FBLN1: variants seen among roughly 807,000 people sequenced by gnomAD.
FBLN1 encodes the protein fibulin-1.
FBLN1 carries 34 observed loss-of-function variants against 89.7 expected under a neutral mutation model. That is an observed-to-expected ratio of 0.38 (90% CI 0.29 to 0.50). The LOEUF is 0.50. Ranked by LOEUF, FBLN1 falls within the 20% of genes least tolerant of loss-of-function variation. FBLN1 has a pLI of 0.92. For synonymous variants in FBLN1, 393 were observed against 391.3 expected, an observed-to-expected ratio of 1.00 and a Z score of -0.05; for missense variants, 777 against 988.1, an observed-to-expected ratio of 0.79 and a Z score of 2.86.
At chr22:45,589,079 ATATTTTT>A (rs987868605) in intron 16 of FBLN1, among the ~76,000 whole-genome samples, 24 of 49,286 alleles carry the variant, frequency 4.9e-4, no homozygotes, top group Non-Finnish European at 1.1e-3. Context: ...ATATATAAAA[ATATTTTT>A]TATATATATA....
intron 1 of FBLN1, among the ~76,000 whole-genome samples, chr22:45,514,199 C>T (rs1021266898): frequency 1.1e-4 from 17 of 152,276 alleles, no homozygotes; most frequent in South Asian, 8.3e-4. Context: ...CTTCAGGGAA[C>T]CTGTTCCTGC....
At chr22:45,513,362 T>A (rs985986565) in intron 1 of FBLN1, among the ~76,000 whole-genome samples, 3 of 151,172 alleles carry the variant, frequency 2.0e-5, no homozygotes, top group Non-Finnish European at 4.4e-5. Context: ...TGGAATGCAG[T>A]GGCATAATCC....
chr22:45,564,386 T>A (rs1349703386), intron 14 of FBLN1, among the ~76,000 whole-genome samples: 1 of 152,258 alleles, frequency 6.6e-6, no homozygotes, highest in African/African-American at 2.4e-5. Context: ...CCTCAAGATG[T>A]CTGAAGGCCG....
At chr22:45,518,024 CAG>C (rs1352555045) in intron 1 of FBLN1, among the ~76,000 whole-genome samples, 3 of 148,838 alleles carry the variant, frequency 2.0e-5, no homozygotes, top group Non-Finnish European at 4.4e-5. Context: ...CCCAGCTACT[CAG>C]GAGGCTGAGG....
chr22:45,562,693 C>A lies in FBLN1; in HGVS notation c.1698-11818C>A, dbSNP rs532775237. Among the ~76,000 whole-genome samples, 1 of 152,206 alleles carries A rather than the reference C, an allele frequency of 6.6e-6. No individual in the cohort carries two copies. Among genetic ancestry groups the A allele is most frequent in the African/African-American group, 2.4e-5 (1 of 41,460 alleles). ...CTTTGGCCCCCGGCCACCCAGCGCC[C>A]GAGATGGTGTTGGAAGAGGCTAGTG... On this transcript the variant is annotated intron_variant, in intron 14 of 16. Coordinates refer to ENST00000327858, the MANE Select transcript of FBLN1 (RefSeq NM_006486.3). This position sits in a 1 kb window ranked among gnomAD's most constrained non-coding sequence, Gnocchi z 7.8.
At chr22:45,543,218 A>G (rs1298447596) in intron 10 of FBLN1, among the ~76,000 whole-genome samples, 183 bp from the exon 11 acceptor site, 1 of 152,146 alleles carries the variant, frequency 6.6e-6, no homozygotes, top group Non-Finnish European at 1.5e-5. Flanking sequence ...GTGAGCTGAG[A>G]TCATGCCACT....
rs953539278 is a variant in FBLN1, at chr22:45,562,223, G to A, written c.1697+11608G>A. On this transcript the variant is annotated intron_variant, in intron 14 of 16. Coordinates refer to ENST00000327858, the MANE Select transcript of FBLN1 (RefSeq NM_006486.3). The surrounding 1 kb of genome is among the most constrained non-coding windows in gnomAD (Gnocchi z 7.8). ...TTCTATCACAGGAAGTTGGGATCTGGCCCTGTGGACCCAGATGGGTTACTG... is the reference window on the plus strand; with the variant it reads ...TTCTATCACAGGAAGTTGGGATCTGACCCTGTGGACCCAGATGGGTTACTG... Among the ~76,000 whole-genome samples the A allele has an allele frequency of 3.3e-5, 5 of 152,326 alleles. No individual in the cohort carries two copies. Among genetic ancestry groups the A allele is most frequent in the African/African-American group, 1.2e-4 (5 of 41,580 alleles).
At chr22:45,570,319 C>CAAAAAAAAAAAAAAAAAAAA (rs761469854) in intron 14 of FBLN1, among the ~76,000 whole-genome samples, 6 of 36,420 alleles carry the variant, frequency 1.6e-4, no homozygotes, top group Admixed American at 3.6e-4. Context: ...GACTCTGTCT[C>CAAAAAAAAAAAAAAAAAAAA]AAAAAAAAAA....
Position 45,531,313 on chromosome 22 carries a change from A to AC in FBLN1, c.535dup (p.Arg179ProfsTer17). 1.2e-6 allele frequency: 2 copies of AC among 1,613,910 alleles called. No homozygotes were observed. Among genetic ancestry groups the AC allele is most frequent in the Non-Finnish European group, 1.7e-6 (2 of 1,179,848 alleles). On this transcript the variant is annotated frameshift_variant, in exon 5 of 17. Transcript: ENST00000327858. LOFTEE classifies it high-confidence loss of function. The surrounding 1 kb of genome is among the most constrained non-coding windows in gnomAD (Gnocchi z 4.9). The stretch of plus-strand genomic sequence containing the variant: ...GAACAAGAGGACCCATATCTGAATG[A>AC]CCGCTGCCGAGGTGAGACTCGGGCG...
chr22:45,589,515 A>T (rs929190259), intron 16 of FBLN1, among the ~76,000 whole-genome samples: 2 of 152,218 alleles, frequency 1.3e-5, no homozygotes, highest in African/African-American at 4.8e-5. Flanking sequence ...GACATTGAGG[A>T]CGTGGCCTTG....
rs574794032 is a variant in FBLN1, at chr22:45,509,372, C to T, written c.79+6308C>T. ...CTCCTTCTCTCTTGCTGCCTCCTCC[C>T]GGCTGGTTCACCATCCAAGACCCCT... On this transcript the variant is annotated intron_variant, in intron 1 of 16. Transcript: ENST00000327858. 1.4e-3 allele frequency among the ~76,000 whole-genome samples: 219 copies of T among 152,296 alleles called. 1 individual carries two copies. The highest frequency in any genetic ancestry group is 6.8e-3 in the Middle Eastern group (2 of 294).
chr22:45,517,532 T>A, intron 1 of FBLN1: 3 of 470,404 alleles, frequency 6.4e-6, no homozygotes, highest in South Asian at 4.6e-5. Flanking sequence ...GCTCTGAGGG[T>A]GTGGGCCGGC....
Position 45,561,871 on chromosome 22 carries a change from C to G in FBLN1, c.1697+11256C>G, listed in dbSNP as rs1164692295. On this transcript the variant is annotated intron_variant, in intron 14 of 16. Transcript: ENST00000327858. This position sits in a 1 kb window ranked among gnomAD's most constrained non-coding sequence, Gnocchi z 4.7. ...GAGTCCGATGTTCAAGGGCAGGAAG[C>G]ATCCAGCACAGGAGAAAGATGTAGG... Among the ~76,000 whole-genome samples, 2 of 152,188 alleles carry G rather than the reference C, an allele frequency of 1.3e-5. No homozygotes were observed. The highest frequency in any genetic ancestry group is 6.5e-5 in the Admixed American group (1 of 15,274).
rs1249228112 is a variant in FBLN1 at position 45,579,118 on chromosome 22, T to A, written c.1972+2010T>A. 2.0e-5 allele frequency among the ~76,000 whole-genome samples: 3 copies of A among 152,248 alleles called. No homozygotes were observed. The highest frequency in any genetic ancestry group is 7.2e-5 in the African/African-American group (3 of 41,474). On this transcript the variant is annotated intron_variant, in intron 16 of 16. Coordinates refer to ENST00000327858, the MANE Select transcript of FBLN1 (RefSeq NM_006486.3). The surrounding 1 kb of genome is among the most constrained non-coding windows in gnomAD (Gnocchi z 5.5). ...GACCCAAGCCAAGAGGTTGGGCAGC[T>A]GCTGGGCCTAGAACCAGCACCCACC...
In FBLN1 at chr22:45,579,878, CAG is replaced by C. The variant is rs1375778719; in HGVS notation, c.1972+2771_1972+2772del. On this transcript the variant is annotated intron_variant, in intron 16 of 16. Transcript: ENST00000327858. The surrounding 1 kb of genome is among the most constrained non-coding windows in gnomAD (Gnocchi z 5.5). ...CTGGGAGCTTCCTGGTCCCTAGGGG[CAG>C]CCATCCCGGCACACGGCTCCTGGCC... Among the ~76,000 whole-genome samples the C allele has an allele frequency of 5.9e-5, 9 of 152,194 alleles. No individual in the cohort carries two copies. In the East Asian group the frequency reaches 1.8e-3, roughly 30 times the overall value.
Position 45,547,136 on chromosome 22 carries a change from A to G in FBLN1, c.1373A>G (p.Tyr458Cys). ...TGTAGCCAGGAGTGTGCCAACGTCT[A>G]CGGCTCCTACCAGTGTTACTGCCGG... ...SPCSQECANV[Y>C]GSYQCYCRRG... The change falls in exon 12 of 17, where the codon TAC (tyrosine) becomes TGC (cysteine). Residue 458 changes from tyrosine to cysteine, a missense_variant. Transcript: ENST00000327858. 1 of 1,614,104 alleles carries G rather than the reference A, an allele frequency of 6.2e-7. No homozygotes were observed. The highest frequency in any genetic ancestry group is 2.2e-5 in the East Asian group (1 of 44,868).
chr22:45,536,324 T>C lies in FBLN1; in HGVS notation c.922+987T>C, dbSNP rs1311866432. ...GGCGCAGAGTTTCAGTTTGAGAAGATGAAAAAGTTCTGGAGATGGATGGGG... is the reference window on the plus strand; with the variant it reads ...GGCGCAGAGTTTCAGTTTGAGAAGACGAAAAAGTTCTGGAGATGGATGGGG... On this transcript the variant is annotated intron_variant, in intron 8 of 16. Transcript: ENST00000327858. This position sits in a 1 kb window ranked among gnomAD's most constrained non-coding sequence, Gnocchi z 5.1. Among the ~76,000 whole-genome samples the C allele has an allele frequency of 6.6e-6, 1 of 152,022 alleles. No homozygotes were observed. The highest frequency in any genetic ancestry group is 2.4e-5 in the African/African-American group (1 of 41,374).
chr22:45,591,265 C>A (rs758063510), intron 16 of FBLN1, among the ~76,000 whole-genome samples: 1 of 152,130 alleles, frequency 6.6e-6, no homozygotes, highest in Admixed American at 6.5e-5. Flanking sequence ...CCACTGCCTG[C>A]GTTTGCGATG....
chr22:45,527,547 C>T (rs1177740550), intron 3 of FBLN1, among the ~76,000 whole-genome samples: 1 of 151,786 alleles, frequency 6.6e-6, no homozygotes, highest in Non-Finnish European at 1.5e-5. Flanking sequence ...GCCGGGTGGT[C>T]TCTGGGCGGG....
Sources: allele counts gnomAD v4.1 joint callset (sites outside exome capture counted in the v4.1 genomes callset), GRCh38; gene constraint gnomAD v4.1.1; non-coding constraint Gnocchi (gnomAD v3.1); transcripts MANE v1.5; gene names NCBI Gene and HGNC (gene_info 2026-07-23, HGNC 2026-07-21).